ALOX5: variants seen among roughly 807,000 people sequenced by gnomAD.
The protein encoded by ALOX5 is arachidonate 5-lipoxygenase.
ALOX5 carries 64 observed loss-of-function variants against 87.9 expected under a neutral mutation model. The observed-to-expected ratio is 0.73, with a 90% CI of 0.60 to 0.90. The LOEUF (loss-of-function observed/expected upper bound fraction) is 0.90, where lower values mean the gene tolerates loss of function less well. Among genes scored for constraint, ALOX5 ranks in the 40% least tolerant of loss-of-function variants. The pLI is 0.00. For synonymous variants in ALOX5, 388 were observed against 355.1 expected (o/e 1.09, Z -1.04); for missense variants, 822 against 907.5 (o/e 0.91, Z 1.21).
At chr10:45,385,578 G>A (rs956292947) in intron 2 of ALOX5, among the ~76,000 whole-genome samples, 17 of 152,210 alleles carry the variant, frequency 1.1e-4, no homozygotes, top group Non-Finnish European at 2.1e-4. Context: ...AAACTGAAGA[G>A]ATCCAGCTCC....
chr10:45,422,353 A>T (rs1177409467), intron 4 of ALOX5, among the ~76,000 whole-genome samples: 15 of 152,094 alleles, frequency 9.9e-5, no homozygotes. Flanking sequence ...CCCCATGACA[A>T]GGTGTGTGTC....
intron 7 of ALOX5, among the ~76,000 whole-genome samples, chr10:45,433,146 A>G (rs1323616523): frequency 2.0e-5 from 3 of 152,246 alleles, no homozygotes; most frequent in African/African-American, 7.2e-5. Context: ...ACAAAGGGGT[A>G]ACTCCCAGAC....
At chr10:45,382,180 C>T (rs1415743320) in intron 1 of ALOX5, among the ~76,000 whole-genome samples, 1 of 152,164 alleles carries the variant, frequency 6.6e-6, no homozygotes, top group Admixed American at 6.5e-5. Context: ...GGGAGGTAAG[C>T]GTTCATTGTA....
chr10:45,402,321 T>C (rs1237544714), intron 3 of ALOX5, among the ~76,000 whole-genome samples: 2 of 152,214 alleles, frequency 1.3e-5, no homozygotes, highest in East Asian at 3.9e-4. Context: ...AAAACTGTCT[T>C]AGCTTCATCC....
intron 4 of ALOX5, among the ~76,000 whole-genome samples, chr10:45,417,924 C>T (rs1589024759): frequency 6.6e-6 from 1 of 152,198 alleles, no homozygotes; most frequent in Admixed American, 6.5e-5. Flanking sequence ...AGTGAGGTCC[C>T]CTCCCCTGTA....
chr10:45,394,984 G>A (rs12778413), intron 2 of ALOX5, among the ~76,000 whole-genome samples: 34,619 of 152,060 alleles, frequency 0.23, 4,081 homozygotes, highest in African/African-American at 0.26. Flanking sequence ...GTGGAGAAAT[G>A]GGAACACTTT....
intron 3 of ALOX5, among the ~76,000 whole-genome samples, chr10:45,404,181 C>A (rs1466375982): frequency 6.6e-6 from 1 of 152,200 alleles, no homozygotes; most frequent in Non-Finnish European, 1.5e-5. Flanking sequence ...CTTCCTCCTT[C>A]CACTCATCTG....
At chr10:45,381,745 C>T (rs558410645) in intron 1 of ALOX5, among the ~76,000 whole-genome samples, 8 of 152,368 alleles carry the variant, frequency 5.3e-5, no homozygotes, top group Middle Eastern at 3.4e-3. Context: ...CATCCTGGCT[C>T]ACTGGATTCT....
chr10:45,442,728 G>A (rs1842276766), intron 9 of ALOX5: 1 of 377,758 alleles, frequency 2.6e-6, no homozygotes, highest in African/African-American at 2.1e-5. Flanking sequence ...GCTGGTGCTG[G>A]GGTCCCCCAC....
chr10:45,397,364 C>G (rs1564422102), intron 3 of ALOX5, among the ~76,000 whole-genome samples: 2 of 152,118 alleles, frequency 1.3e-5, no homozygotes, highest in Non-Finnish European at 2.9e-5. Flanking sequence ...TGGTGACAAG[C>G]AAGACTCCGT....
intron 7 of ALOX5, among the ~76,000 whole-genome samples, chr10:45,437,119 G>A (rs1014272752): frequency 4.6e-5 from 7 of 152,208 alleles, no homozygotes; most frequent in Non-Finnish European, 7.3e-5. Context: ...TTGGGAGGCC[G>A]AGGTGGGCAG....
At chr10:45,391,976 C>G (rs565007765) in intron 2 of ALOX5, among the ~76,000 whole-genome samples, 1 of 151,736 alleles carries the variant, frequency 6.6e-6, no homozygotes, top group Non-Finnish European at 1.5e-5. Context: ...CCACCCTGTC[C>G]GGGAGGGAGG....
In ALOX5 at chr10:45,395,211, G is replaced by A. The variant is rs569381380; in HGVS notation, c.350-644G>A. Among the ~76,000 whole-genome samples the A allele has an allele frequency of 3.4e-3, 517 of 152,274 alleles. 3 individuals are homozygous for A. Among genetic ancestry groups the A allele is most frequent in the African/African-American group, 0.012 (491 of 41,536 alleles). ...GCAAAGACTTGGAACCAACCCAAAT[G>A]TCCATCAATGATAGACTGAATTAAG... is the stretch of plus-strand genomic sequence containing the variant. On this transcript the variant is annotated intron_variant, in intron 2 of 13. Coordinates refer to ENST00000374391, the MANE Select transcript of ALOX5 (RefSeq NM_000698.5).
Position 45,404,033 on chromosome 10 carries a change from T to A in ALOX5, c.431+8097T>A, listed in dbSNP as rs556087595. ...TTAGTATGAATTAGTGGGGCTCTAA[T>A]TAGACTTTGCTATCTACTCATCTAA... On this transcript the variant is annotated intron_variant, in intron 3 of 13. Coordinates refer to ENST00000374391, the MANE Select transcript of ALOX5 (RefSeq NM_000698.5). 4.6e-5 allele frequency among the ~76,000 whole-genome samples: 7 copies of A among 152,356 alleles called. 1 individual carries two copies. The East Asian group carries it at 1.3e-3, about 29-fold the overall frequency.
At chr10:45,396,151 G>A (rs1439295520) in intron 3 of ALOX5, among the ~76,000 whole-genome samples, 2 of 152,174 alleles carry the variant, frequency 1.3e-5, no homozygotes, top group African/African-American at 2.4e-5. Flanking sequence ...AATAACTTTG[G>A]ATCAACCATA....
chr10:45,382,422 C>T lies in ALOX5; in HGVS notation c.151-61C>T, dbSNP rs545834035. Reference sequence around the variant, plus strand: ...ATACCTTGGGGTGACAAATTCTTAACACCTCCAGAACAAAGGCTCAGGAGA... The same window carrying T: ...ATACCTTGGGGTGACAAATTCTTAATACCTCCAGAACAAAGGCTCAGGAGA... On this transcript the variant is annotated intron_variant, in intron 1 of 13. Transcript: ENST00000374391. 29 of 1,586,256 alleles carry T rather than the reference C, an allele frequency of 1.8e-5. No homozygotes were observed. The East Asian group carries it at 3.8e-4, about 21-fold the overall frequency.
At chr10:45,403,019 G>C (rs1306535184) in intron 3 of ALOX5, among the ~76,000 whole-genome samples, 1 of 152,144 alleles carries the variant, frequency 6.6e-6, no homozygotes, top group African/African-American at 2.4e-5. Flanking sequence ...AGATCCAGAG[G>C]GCTGGGAACA....
At chr10:45,377,282 C>T (rs1026537249) in intron 1 of ALOX5, among the ~76,000 whole-genome samples, 1 of 152,060 alleles carries the variant, frequency 6.6e-6, no homozygotes, top group Admixed American at 6.5e-5. Context: ...GTATGACCCT[C>T]AATCCGTCTC....
intron 1 of ALOX5, among the ~76,000 whole-genome samples, chr10:45,380,536 C>G (rs1311392190): frequency 6.6e-6 from 1 of 152,188 alleles, no homozygotes; most frequent in Non-Finnish European, 1.5e-5. Context: ...GGGATGCCTG[C>G]GCTCGCACAA....
Sources: gnomAD v4.1 joint callset for allele counts (sites outside exome capture counted in the v4.1 genomes callset) on GRCh38, gnomAD v4.1.1 for gene constraint, MANE v1.5 for transcripts, NCBI Gene and HGNC (gene_info 2026-07-23, HGNC 2026-07-21) for gene names.